PRKN: variants seen among roughly 807,000 people sequenced by gnomAD.
PRKN encodes the protein E3 ubiquitin-protein ligase parkin.
A neutral mutation model predicts 59.5 loss-of-function variants in PRKN; 56 were observed. The observed-to-expected ratio is 0.94, with a 90% CI of 0.76 to 1.18. The LOEUF is 1.18. PRKN is among the 50% of genes most tolerant of loss of function. PRKN has a pLI of 0.00. For missense variants in PRKN, 657 were observed against 596.4 expected, an observed-to-expected ratio of 1.10 and a Z score of -1.06; for synonymous variants, 250 against 222.1, an observed-to-expected ratio of 1.13 and a Z score of -1.12.
intron 7 of PRKN, among the ~76,000 whole-genome samples, chr6:161,685,942 C>A (rs964152557): frequency 6.6e-6 from 1 of 152,158 alleles, no homozygotes; most frequent in Non-Finnish European, 1.5e-5. Flanking sequence ...GCCTGTGGCT[C>A]ATCATATGTT....
intron 6 of PRKN, among the ~76,000 whole-genome samples, chr6:161,889,701 A>G (rs146444656): frequency 6.6e-6 from 1 of 152,342 alleles, no homozygotes; most frequent in East Asian, 1.9e-4. Context: ...AAAGGAAAGA[A>G]GTCAACACAA....
intron 4 of PRKN, among the ~76,000 whole-genome samples, chr6:162,136,077 TTCTG>T (rs1781552570): frequency 1.3e-5 from 2 of 150,654 alleles, no homozygotes; most frequent in South Asian, 4.2e-4. Flanking sequence ...CTTTCTAAAT[TTCTG>T]TTAAAACATA....
Position 161,835,487 on chromosome 6 carries a change from A to T in PRKN, c.735-49579T>A, listed in dbSNP as rs370122103. Among the ~76,000 whole-genome samples the T allele has an allele frequency of 1.5e-4, 23 of 152,320 alleles. No individual in the cohort carries two copies. The East Asian group carries it at 1.7e-3, about 12-fold the overall frequency. On this transcript the variant is annotated intron_variant, in intron 6 of 11. Transcript: ENST00000366898. The stretch of plus-strand genomic sequence containing the variant: ...GATGTTACAGCCTGCAGCGGAGCTA[A>T]ACCAAAATAAACAATCTGCTCTATT...
intron 7 of PRKN, among the ~76,000 whole-genome samples, chr6:161,617,021 C>T (rs1366172687): frequency 6.6e-6 from 1 of 152,176 alleles, no homozygotes; most frequent in African/African-American, 2.4e-5. Context: ...TTTACACTTC[C>T]ACTATCAGTG....
rs1780640275 is a variant in PRKN at position 161,566,296 on chromosome 6, C to G, written c.933+3059G>C. On this transcript the variant is annotated intron_variant, in intron 8 of 11. Transcript: ENST00000366898. The surrounding 1 kb of genome is among the most constrained non-coding windows in gnomAD (Gnocchi z 4.1). ...TGGAGTCCAGTGCTCATTTCTCATC[C>G]TTGTCCTTCTTGCTGAGCATAGGAC... is the stretch of plus-strand genomic sequence containing the variant. Among the ~76,000 whole-genome samples the G allele has an allele frequency of 6.6e-6, 1 of 152,198 alleles. No homozygotes were observed. The highest frequency in any genetic ancestry group is 1.5e-5 in the Non-Finnish European group (1 of 68,038).
chr6:161,767,354 A>C (rs1313386764), intron 7 of PRKN, among the ~76,000 whole-genome samples: 3 of 152,204 alleles, frequency 2.0e-5, no homozygotes, highest in Non-Finnish European at 4.4e-5. Context: ...TCTACTAAAA[A>C]TACAAAAACA....
At chr6:161,846,145 A>G (rs758573512) in intron 6 of PRKN, among the ~76,000 whole-genome samples, 36 of 152,118 alleles carry the variant, frequency 2.4e-4, no homozygotes, top group Non-Finnish European at 3.4e-4. Flanking sequence ...CTTGATATCT[A>G]TCCCATGTGA....
chr6:161,463,392 C>A lies in PRKN; in HGVS notation c.1084-76515G>T, dbSNP rs1790307895. On this transcript the variant is annotated intron_variant, in intron 9 of 11. Transcript: ENST00000366898. The surrounding 1 kb of genome is among the most constrained non-coding windows in gnomAD (Gnocchi z 4.8). Reference sequence around the variant, plus strand: ...CTCTTGAATCATGTTTTCCAGAGGTCAACTGAGTCTAAGAAGACATTAAAA... The same window carrying A: ...CTCTTGAATCATGTTTTCCAGAGGTAAACTGAGTCTAAGAAGACATTAAAA... 6.6e-6 allele frequency among the ~76,000 whole-genome samples: 1 copy of A among 152,284 alleles called. No homozygotes were observed. Among genetic ancestry groups the A allele is most frequent in the Non-Finnish European group, 1.5e-5 (1 of 68,014 alleles).
At chr6:162,022,676 T>C (rs1783253302) in intron 5 of PRKN, among the ~76,000 whole-genome samples, 1 of 152,114 alleles carries the variant, frequency 6.6e-6, no homozygotes. Flanking sequence ...CTTTAGCTTG[T>C]CAATTTTTGT....
intron 1 of PRKN, among the ~76,000 whole-genome samples, chr6:162,528,578 A>C (rs2128195688): frequency 6.6e-6 from 1 of 152,270 alleles, no homozygotes; most frequent in Middle Eastern, 3.4e-3. Flanking sequence ...TCATGTACGC[A>C]ACACCACAGA....
At chr6:161,528,436 A>G (rs1394506276) in intron 9 of PRKN, among the ~76,000 whole-genome samples, 1 of 152,160 alleles carries the variant, frequency 6.6e-6, no homozygotes, top group South Asian at 2.1e-4. Flanking sequence ...GAAGCCCTCA[A>G]TAATATCCAC....
chr6:161,742,895 G>C (rs918141796), intron 7 of PRKN, among the ~76,000 whole-genome samples: 2 of 152,162 alleles, frequency 1.3e-5, no homozygotes, highest in Admixed American at 6.5e-5. Context: ...TTCTCTGAAG[G>C]CCGCAGAGGT....
At chr6:162,552,309 A>G (rs7765981) in intron 1 of PRKN, among the ~76,000 whole-genome samples, 138 of 152,274 alleles carry the variant, frequency 9.1e-4, no homozygotes, top group African/African-American at 3.2e-3. Context: ...TTTTAGCAGG[A>G]AAGTGAAGGG....
At chr6:162,025,070 C>T (rs1487065448) in intron 5 of PRKN, among the ~76,000 whole-genome samples, 7 of 143,482 alleles carry the variant, frequency 4.9e-5, no homozygotes, top group Non-Finnish European at 8.9e-5. Context: ...GCCTGGAGTG[C>T]AGTGGCGCAA....
At chr6:161,874,259 ATG>A (rs1409851702) in intron 6 of PRKN, among the ~76,000 whole-genome samples, 2 of 11,462 alleles carry the variant, frequency 1.7e-4, no homozygotes, top group African/African-American at 1.7e-4. Context: ...TATATATTAT[ATG>A]TAAAATATAT....
rs535935047 is a variant in PRKN at position 161,354,778 on chromosome 6, C to A, written c.1286-4567G>T. Among the ~76,000 whole-genome samples the A allele has an allele frequency of 2.6e-5, 4 of 152,282 alleles. No individual in the cohort carries two copies. The highest frequency in any genetic ancestry group is 7.2e-5 in the African/African-American group (3 of 41,554). On this transcript the variant is annotated intron_variant, in intron 11 of 11. Coordinates refer to ENST00000366898, the MANE Select transcript of PRKN (RefSeq NM_004562.3). The surrounding 1 kb of genome is among the most constrained non-coding windows in gnomAD (Gnocchi z 6.7). ...TGATGCACTTTTAAACAGTTTAGGC[C>A]ATCGCTAATAAGCTTCAAGTCTCAG...
intron 2 of PRKN, among the ~76,000 whole-genome samples, chr6:162,293,245 A>C (rs1383582759): frequency 6.6e-6 from 1 of 152,196 alleles, no homozygotes; most frequent in Admixed American, 6.5e-5. Context: ...GTGAGGCCCT[A>C]TGGGCTGATC....
At chr6:161,952,652 C>G (rs758626571) in intron 6 of PRKN, among the ~76,000 whole-genome samples, 1 of 152,096 alleles carries the variant, frequency 6.6e-6, no homozygotes, top group African/African-American at 2.4e-5. Flanking sequence ...AATAAAATTA[C>G]AGTAGTAAAA....
chr6:162,293,218 C>G (rs942579922), intron 2 of PRKN, among the ~76,000 whole-genome samples: 3 of 152,184 alleles, frequency 2.0e-5, no homozygotes, highest in South Asian at 4.1e-4. Context: ...GACTTCCCTT[C>G]TTCAGGCAGA....
Sources: gnomAD v4.1 joint callset for allele counts (sites outside exome capture counted in the v4.1 genomes callset) on GRCh38, gnomAD v4.1.1 for gene constraint, Gnocchi (gnomAD v3.1) non-coding constraint, MANE v1.5 for transcripts, NCBI Gene and HGNC (gene_info 2026-07-23, HGNC 2026-07-21) for gene names.